The following GALNT13 variants were observed in gnomAD, a reference collection of about 807,000 sequenced individuals.
The protein encoded by GALNT13 is polypeptide N-acetylgalactosaminyltransferase 13.
In GALNT13, 28 loss-of-function variants were observed where a neutral mutation model predicts 64.2. The observed-to-expected ratio is 0.44, with a 90% CI of 0.32 to 0.60. The LOEUF (loss-of-function observed/expected upper bound fraction) is 0.60, where lower values mean the gene tolerates loss of function less well. GALNT13 is among the 20% of genes least tolerant of loss of function. The probability of loss-of-function intolerance (pLI) is 0.05; values close to 1 mark genes in which losing one functional copy is unlikely to be tolerated. For missense variants in GALNT13, 577 were observed against 669.8 expected, an observed-to-expected ratio of 0.86 and a Z score of 1.53; for synonymous variants, 214 against 224.6, an observed-to-expected ratio of 0.95 and a Z score of 0.42.
chr2:154,151,086 T>C (rs996034008), intron 4 of GALNT13, among the ~76,000 whole-genome samples: 4 of 152,352 alleles, frequency 2.6e-5, no homozygotes, highest in African/African-American at 9.6e-5. Context: ...AATTTCCCTC[T>C]ACACAGTGCT....
At chr2:153,137,349 A>AT in the GALNT13 span, among the ~76,000 whole-genome samples, 1 of 152,068 alleles carries the variant, frequency 6.6e-6, no homozygotes, top group African/African-American at 2.4e-5. Flanking sequence ...GAAGGCAAGT[A>AT]TATCTGGAAA....
At chr2:153,351,021 G>C in the GALNT13 span, among the ~76,000 whole-genome samples, 1 of 152,070 alleles carries the variant, frequency 6.6e-6, no homozygotes, top group Non-Finnish European at 1.5e-5. Context: ...TGATTTGTAG[G>C]TTTTAAGGAG....
chr2:153,792,745 T>C, the GALNT13 span, among the ~76,000 whole-genome samples: 1 of 152,154 alleles, frequency 6.6e-6, no homozygotes, highest in East Asian at 1.9e-4. Flanking sequence ...AATCCTCATT[T>C]GTATTTTACC....
At chr2:154,033,949 GCAAA>G (rs890140516) in intron 3 of GALNT13, among the ~76,000 whole-genome samples, 12 of 151,896 alleles carry the variant, frequency 7.9e-5, no homozygotes, top group African/African-American at 2.2e-4. Context: ...AAAAAAACAA[GCAAA>G]CAAACAAACA....
chr2:154,384,905 T>A (rs1698434738), intron 9 of GALNT13, among the ~76,000 whole-genome samples: 1 of 151,898 alleles, frequency 6.6e-6, no homozygotes, highest in Non-Finnish European at 1.5e-5. Context: ...CAAACAACAA[T>A]TAAGATGCAT....
chr2:153,629,008 T>C, the GALNT13 span, among the ~76,000 whole-genome samples: 3 of 152,140 alleles, frequency 2.0e-5, no homozygotes, highest in Non-Finnish European at 4.4e-5. Flanking sequence ...CTATTAATTA[T>C]TGCCACAATT....
the GALNT13 span, among the ~76,000 whole-genome samples, chr2:153,277,927 C>CTTTTTTTTTTTTTTTTTTT: frequency 2.5e-4 from 20 of 80,110 alleles, 1 homozygote; most frequent in Admixed American, 6.0e-4. Flanking sequence ...TCTTTTCTTT[C>CTTTTTTTTTTTTTTTTTTT]TTTTTTTTTT....
chr2:153,906,745 C>T (rs1036663455), intron 2 of GALNT13, among the ~76,000 whole-genome samples: 3 of 151,708 alleles, frequency 2.0e-5, no homozygotes, highest in African/African-American at 7.3e-5. Flanking sequence ...ATTTATAATC[C>T]TTTGGGTATA....
chr2:153,602,451 A>G, the GALNT13 span, among the ~76,000 whole-genome samples: 146 of 151,872 alleles, frequency 9.6e-4, no homozygotes, highest in African/African-American at 3.2e-3. Flanking sequence ...AATTTTAACT[A>G]GGAGACCATA....
At chr2:154,025,311 TC>T (rs546196314) in intron 3 of GALNT13, among the ~76,000 whole-genome samples, 3 of 152,206 alleles carry the variant, frequency 2.0e-5, no homozygotes, top group Admixed American at 2.0e-4. Flanking sequence ...TCTTGGCTCC[TC>T]CCCCCATGTT....
chr2:153,140,853 A>G, the GALNT13 span, among the ~76,000 whole-genome samples: 1 of 152,044 alleles, frequency 6.6e-6, no homozygotes, highest in Non-Finnish European at 1.5e-5. Context: ...AATGCTTCAT[A>G]TACATAATTG....
intron 3 of GALNT13, among the ~76,000 whole-genome samples, chr2:154,053,466 C>T (rs930625039): frequency 1.3e-5 from 2 of 151,220 alleles, no homozygotes; most frequent in African/African-American, 4.9e-5. Flanking sequence ...ATTTTATGAC[C>T]TAAAACTTTT....
the GALNT13 span, among the ~76,000 whole-genome samples, chr2:153,220,391 T>G: frequency 6.6e-6 from 1 of 152,226 alleles, no homozygotes. Flanking sequence ...CTGGAGCATG[T>G]GCATTAAGAG....
chr2:153,781,627 TTA>T, the GALNT13 span, among the ~76,000 whole-genome samples: 1 of 152,132 alleles, frequency 6.6e-6, no homozygotes, highest in East Asian at 1.9e-4. Context: ...AAAATATTTT[TTA>T]TGTTTACATA....
the GALNT13 span, among the ~76,000 whole-genome samples, chr2:153,626,749 C>G: frequency 6.6e-6 from 1 of 152,022 alleles, no homozygotes; most frequent in Admixed American, 6.6e-5. Flanking sequence ...AGCCCTCAAG[C>G]CAGGAATGAT....
chr2:153,847,920 G>A, the GALNT13 span, among the ~76,000 whole-genome samples: 12 of 152,248 alleles, frequency 7.9e-5, no homozygotes, highest in South Asian at 1.0e-3. Flanking sequence ...CCCATGGAGC[G>A]CTCTAGAACT....
chr2:154,236,717 G>A (rs1201868457), intron 4 of GALNT13, among the ~76,000 whole-genome samples: 1 of 151,884 alleles, frequency 6.6e-6, no homozygotes, highest in Non-Finnish European at 1.5e-5. Context: ...TATACATTGT[G>A]CTCTACAATA....
the GALNT13 span, among the ~76,000 whole-genome samples, chr2:153,744,216 T>C: frequency 6.6e-6 from 1 of 152,182 alleles, no homozygotes; most frequent in African/African-American, 2.4e-5. Flanking sequence ...CTGGATCATA[T>C]GGTAACTCAA....
intron 3 of GALNT13, among the ~76,000 whole-genome samples, chr2:153,961,709 A>G (rs1692956110): frequency 6.6e-6 from 1 of 152,224 alleles, no homozygotes; most frequent in African/African-American, 2.4e-5. Flanking sequence ...AAAATTTACA[A>G]GCTTGAAGAT....
Sources: allele counts gnomAD v4.1 joint callset (sites outside exome capture counted in the v4.1 genomes callset), GRCh38; gene constraint gnomAD v4.1.1; transcripts MANE v1.5; gene names NCBI Gene and HGNC (gene_info 2026-07-23, HGNC 2026-07-21).